Variants in SGCG observed in about 807,000 individuals in gnomAD.
SGCG encodes gamma-sarcoglycan.
SGCG carries 26 observed loss-of-function variants against 29.3 expected under a neutral mutation model. The observed-to-expected ratio is 0.89, with a 90% CI of 0.65 to 1.23. The LOEUF (loss-of-function observed/expected upper bound fraction) is 1.23. Ranked by LOEUF, SGCG falls within the 50% of genes most tolerant of loss-of-function variation. The probability of loss-of-function intolerance (pLI) is 0.00; values close to 1 mark genes in which losing one functional copy is unlikely to be tolerated. For missense variants in SGCG, 353 were observed against 356.0 expected (o/e 0.99, Z 0.07); for synonymous variants, 145 against 129.7 (o/e 1.12, Z -0.80).
At position 23,222,251 on chromosome 13, in the gene SGCG, G is replaced by T. The variant is rs1025636663; in HGVS notation, c.196-12360G>T. On this transcript the variant is annotated intron_variant, in intron 2 of 7. Coordinates refer to ENST00000218867, the MANE Select transcript of SGCG (RefSeq NM_000231.3). ...AACATCTTCTTCCACTCTGTGGATT[G>T]TCTCATTACTCTATTAAATGTGTCC... Among the ~76,000 whole-genome samples the T allele has an allele frequency of 1.1e-4, 17 of 152,160 alleles. 1 individual carries two copies. The highest frequency in any genetic ancestry group is 2.9e-5 in the Non-Finnish European group (2 of 68,026).
chr13:23,239,824 A>G (rs1437234143), intron 3 of SGCG, among the ~76,000 whole-genome samples: 1 of 152,176 alleles, frequency 6.6e-6, no homozygotes, highest in Non-Finnish European at 1.5e-5. Flanking sequence ...AACAGAAAGT[A>G]TAGCTAATAC....
At chr13:23,189,519 T>A (rs903252406) in intron 1 of SGCG, among the ~76,000 whole-genome samples, 1 of 152,188 alleles carries the variant, frequency 6.6e-6, no homozygotes, top group Non-Finnish European at 1.5e-5. Context: ...TTTCCCTACT[T>A]GTGTTATTTC....
intron 5 of SGCG, among the ~76,000 whole-genome samples, chr13:23,284,782 T>A (rs983489865): frequency 1.7e-5 from 2 of 120,136 alleles, no homozygotes; most frequent in African/African-American, 2.7e-5. Flanking sequence ...GACCTTTGGA[T>A]GGGGTTTCAT....
chr13:23,264,911 C>T (rs1880580072), intron 4 of SGCG, among the ~76,000 whole-genome samples: 2 of 152,050 alleles, frequency 1.3e-5, no homozygotes, highest in African/African-American at 4.8e-5. Flanking sequence ...TCTACTCTCA[C>T]CATATACAAA....
intron 2 of SGCG, among the ~76,000 whole-genome samples, chr13:23,220,002 A>ATTT (rs71100162): frequency 6.7e-6 from 1 of 148,962 alleles, no homozygotes; most frequent in Non-Finnish European, 1.5e-5. Context: ...CGCCCGGTCA[A>ATTT]TTTTTTTTTT....
chr13:23,247,776 T>A (rs1186621619), intron 3 of SGCG, among the ~76,000 whole-genome samples: 1 of 112,402 alleles, frequency 8.9e-6, no homozygotes, highest in Non-Finnish European at 1.8e-5. Flanking sequence ...TTAAAACTCA[T>A]CTCTATTTAA....
At chr13:23,225,685 G>A (rs1313480507) in intron 2 of SGCG, among the ~76,000 whole-genome samples, 4 of 151,742 alleles carry the variant, frequency 2.6e-5, no homozygotes, top group Non-Finnish European at 5.9e-5. Flanking sequence ...TTTCTCCAAG[G>A]AGCTCTTGCT....
chr13:23,314,521 T>C (rs935031997), intron 6 of SGCG, among the ~76,000 whole-genome samples: 2 of 150,602 alleles, frequency 1.3e-5, no homozygotes, highest in Non-Finnish European at 3.0e-5. Flanking sequence ...CTAATACAGA[T>C]GTTAGTACCA....
intron 6 of SGCG, among the ~76,000 whole-genome samples, chr13:23,301,153 A>C (rs1882145753): frequency 6.6e-6 from 1 of 152,162 alleles, no homozygotes; most frequent in South Asian, 2.1e-4. Context: ...GAAGAATTAG[A>C]ATTAGCAGCT....
intron 4 of SGCG, among the ~76,000 whole-genome samples, chr13:23,258,587 G>A (rs866063191): frequency 2.0e-5 from 3 of 152,106 alleles, no homozygotes; most frequent in Non-Finnish European, 4.4e-5. Flanking sequence ...ACACTATGTT[G>A]AATAGGAGTG....
intron 1 of SGCG, among the ~76,000 whole-genome samples, chr13:23,191,434 A>G (rs1877245622): frequency 6.6e-6 from 1 of 152,216 alleles, no homozygotes; most frequent in South Asian, 2.1e-4. Context: ...ACATGACTCC[A>G]TGGACCACTG....
intron 4 of SGCG, among the ~76,000 whole-genome samples, chr13:23,271,251 C>T (rs1456393666): frequency 6.6e-6 from 1 of 151,994 alleles, no homozygotes; most frequent in Non-Finnish European, 1.5e-5. Context: ...CTTGAAATGC[C>T]GTCATTATCA....
chr13:23,182,412 C>T (rs1416880127), intron 1 of SGCG, among the ~76,000 whole-genome samples: 1 of 152,126 alleles, frequency 6.6e-6, no homozygotes, highest in African/African-American at 2.4e-5. Flanking sequence ...CTGCTACTCT[C>T]CTGCTCCTTC....
intron 1 of SGCG, among the ~76,000 whole-genome samples, chr13:23,186,635 A>ACCTGCCACCATGCCTGGCTTAT (rs1876984883): frequency 6.6e-6 from 1 of 152,190 alleles, no homozygotes; most frequent in East Asian, 1.9e-4. Flanking sequence ...ACAGAACTGC[A>ACCTGCCACCATGCCTGGCTTAT]TTCTGAAGTA....
intron 6 of SGCG, 75 bp downstream of exon 6, chr13:23,295,562 A>G (rs1881875261): frequency 1.0e-6 from 1 of 976,524 alleles, no homozygotes. Flanking sequence ...TAATGTTAGC[A>G]GTGACTACTT....
chr13:23,222,498 T>C (rs959887318), intron 2 of SGCG, among the ~76,000 whole-genome samples: 3 of 99,544 alleles, frequency 3.0e-5, no homozygotes, highest in Non-Finnish European at 6.3e-5. Context: ...CACTTTTTTT[T>C]ACAAAAATGT....
chr13:23,234,019 T>C (rs992463248), intron 2 of SGCG, among the ~76,000 whole-genome samples: 1 of 152,236 alleles, frequency 6.6e-6, no homozygotes, highest in African/African-American at 2.4e-5. Flanking sequence ...ACAGCGGTCA[T>C]TGGTGACCTC....
At chr13:23,205,597 ACTTTATACT>A (rs1223383328) in intron 2 of SGCG, among the ~76,000 whole-genome samples, 1 of 152,158 alleles carries the variant, frequency 6.6e-6, no homozygotes, top group African/African-American at 2.4e-5. Context: ...CAATATGTCT[ACTTTATACT>A]CTTGTCATGT....
At chr13:23,219,007 A>G (rs1012381883) in intron 2 of SGCG, among the ~76,000 whole-genome samples, 3 of 149,212 alleles carry the variant, frequency 2.0e-5, no homozygotes, top group Non-Finnish European at 3.0e-5. Flanking sequence ...TTTTTTTAAC[A>G]AATACTACAT....
Sources: allele counts gnomAD v4.1 joint callset (sites outside exome capture counted in the v4.1 genomes callset), GRCh38; gene constraint gnomAD v4.1.1; transcripts MANE v1.5; gene names NCBI Gene and HGNC (gene_info 2026-07-23, HGNC 2026-07-21).